The following ATG10 variants were observed in gnomAD, a reference collection of about 807,000 sequenced individuals.
The protein encoded by ATG10 is ubiquitin-like-conjugating enzyme ATG10.
A neutral mutation model predicts 32.1 loss-of-function variants in ATG10; 30 were observed. The ratio of observed to expected loss-of-function variants is 0.94; its 90% CI spans 0.70 to 1.27. The LOEUF (loss-of-function observed/expected upper bound fraction) is 1.27, where lower values mean the gene tolerates loss of function less well. Among genes scored for constraint, ATG10 ranks in the 50% most tolerant of loss-of-function variants. ATG10 has a pLI of 0.00. For synonymous variants in ATG10, 87 were observed against 91.5 expected (o/e 0.95, Z 0.28); for missense variants, 233 against 262.3 (o/e 0.89, Z 0.77).
rs186106480 is a variant in ATG10 at position 82,098,948 on chromosome 5, A to G, written c.216+40346A>G. On this transcript the variant is annotated intron_variant, in intron 3 of 7. Transcript: ENST00000282185. ...TATAAGATCAATAAAATGGCATTACATCTTGAATTTAATTTAGATTTAACC... is the reference window on the plus strand; with the variant it reads ...TATAAGATCAATAAAATGGCATTACGTCTTGAATTTAATTTAGATTTAACC... 1.3e-4 allele frequency among the ~76,000 whole-genome samples: 20 copies of G among 152,340 alleles called. No individual in the cohort carries two copies. The East Asian group carries it at 3.9e-3, about 29-fold the overall frequency.
At chr5:82,107,644 T>C (rs1162165792) in intron 3 of ATG10, among the ~76,000 whole-genome samples, 3 of 152,136 alleles carry the variant, frequency 2.0e-5, no homozygotes, top group Non-Finnish European at 4.4e-5. Context: ...CTTGAGGGGC[T>C]TTATTATGCA....
chr5:82,062,693 A>G (rs1017869383), intron 3 of ATG10, among the ~76,000 whole-genome samples: 1 of 152,180 alleles, frequency 6.6e-6, no homozygotes, highest in Non-Finnish European at 1.5e-5. Context: ...TCCATATTCT[A>G]TTCTTACCTT....
At chr5:82,115,633 A>G (rs1289239363) in intron 3 of ATG10, among the ~76,000 whole-genome samples, 1 of 152,128 alleles carries the variant, frequency 6.6e-6, no homozygotes, top group South Asian at 2.1e-4. Flanking sequence ...TTTTTGTAAC[A>G]TCATACTGTC....
At chr5:82,093,671 A>G (rs1764962369) in intron 3 of ATG10, among the ~76,000 whole-genome samples, 1 of 152,116 alleles carries the variant, frequency 6.6e-6, no homozygotes, top group Non-Finnish European at 1.5e-5. Flanking sequence ...CATGTATGGT[A>G]ATTTTTTATC....
At chr5:82,123,465 T>A (rs917795184) in intron 3 of ATG10, among the ~76,000 whole-genome samples, 3 of 151,588 alleles carry the variant, frequency 2.0e-5, no homozygotes, top group African/African-American at 7.3e-5. Flanking sequence ...CAAACCCGCA[T>A]GATATGAGTT....
At chr5:82,119,142 A>G (rs990355366) in intron 3 of ATG10, among the ~76,000 whole-genome samples, 1 of 152,164 alleles carries the variant, frequency 6.6e-6, no homozygotes, top group African/African-American at 2.4e-5. Flanking sequence ...CTTTATTAAT[A>G]TGTTTCCATT....
chr5:82,123,689 G>A (rs1221305313), intron 3 of ATG10, among the ~76,000 whole-genome samples: 6 of 149,674 alleles, frequency 4.0e-5, no homozygotes, highest in African/African-American at 1.2e-4. Context: ...CAGCACTTTC[G>A]GAGACCCAGG....
intron 5 of ATG10, among the ~76,000 whole-genome samples, chr5:82,220,269 C>T (rs1257467277): frequency 1.4e-5 from 2 of 144,676 alleles, no homozygotes; most frequent in Non-Finnish European, 3.1e-5. Context: ...CAGTGGAAGG[C>T]TTTTTTTTTT....
At chr5:82,210,837 A>G (rs1745466563) in intron 5 of ATG10, among the ~76,000 whole-genome samples, 1 of 152,232 alleles carries the variant, frequency 6.6e-6, no homozygotes, top group South Asian at 2.1e-4. Flanking sequence ...GGTTTTACTC[A>G]GGACAAGAAT....
At chr5:82,100,882 AG>A (rs762119935) in intron 3 of ATG10, among the ~76,000 whole-genome samples, 5 of 151,706 alleles carry the variant, frequency 3.3e-5, no homozygotes, top group African/African-American at 7.3e-5. Context: ...GGGGTAAAAA[AG>A]GAAGTTAATA....
intron 3 of ATG10, among the ~76,000 whole-genome samples, chr5:82,118,545 A>T (rs544513467): frequency 4.0e-5 from 6 of 151,668 alleles, no homozygotes; most frequent in Non-Finnish European, 7.4e-5. Context: ...GATGAACTTT[A>T]ATACCCTTAG....
chr5:82,119,943 A>G (rs1581707733), intron 3 of ATG10, among the ~76,000 whole-genome samples: 1 of 152,052 alleles, frequency 6.6e-6, no homozygotes, highest in East Asian at 1.9e-4. Context: ...TGGAAATAAA[A>G]ACACTTGAAG....
chr5:82,231,041 G>A (rs1458085947), intron 5 of ATG10, among the ~76,000 whole-genome samples: 4 of 152,122 alleles, frequency 2.6e-5, no homozygotes, highest in Non-Finnish European at 5.9e-5. Context: ...CATGAACTTC[G>A]TTGAGTGTTG....
At chr5:82,197,956 C>T (rs1374841600) in intron 5 of ATG10, among the ~76,000 whole-genome samples, 1 of 152,016 alleles carries the variant, frequency 6.6e-6, no homozygotes, top group Non-Finnish European at 1.5e-5. Context: ...CTGGCTAATG[C>T]CTGGTATTGT....
At position 82,058,501 on chromosome 5, in the gene ATG10, T is replaced by C; in HGVS notation, c.115T>C (p.Ser39Pro). Residue 39 changes from serine to proline, a missense_variant, in exon 3 of 8, where the codon TCT (serine) becomes CCT (proline). Transcript: ENST00000282185. ...TTTTGGTGATGAAACACAGGACTGT[T>C]CTGATGGCTACATGTGCAAAATACA... ...SWEWRPSKDC[S>P]DGYMCKIHFQ... is the part of the protein sequence containing the mutation. The C allele has an allele frequency of 6.2e-7, 1 of 1,612,072 alleles. No individual in the cohort carries two copies. Among genetic ancestry groups the C allele is most frequent in the South Asian group, 1.1e-5 (1 of 90,976 alleles).
chr5:81,988,881 G>A (rs1002292062), intron 2 of ATG10, among the ~76,000 whole-genome samples: 5 of 152,100 alleles, frequency 3.3e-5, no homozygotes, highest in African/African-American at 7.2e-5. Context: ...CCAGGCTGGA[G>A]TGCAGTGGCA....
intron 4 of ATG10, among the ~76,000 whole-genome samples, chr5:82,176,562 A>G (rs966666263): frequency 3.3e-5 from 5 of 152,058 alleles, no homozygotes; most frequent in African/African-American, 4.8e-5. Flanking sequence ...TCCCACACCA[A>G]TACACACACA....
intron 5 of ATG10, among the ~76,000 whole-genome samples, chr5:82,218,145 A>T (rs918510268): frequency 2.0e-5 from 3 of 151,844 alleles, no homozygotes; most frequent in Non-Finnish European, 4.4e-5. Context: ...ACAGGTTTCA[A>T]CTTCATCAAC....
At chr5:82,086,400 A>G (rs1004450791) in intron 3 of ATG10, among the ~76,000 whole-genome samples, 7 of 152,200 alleles carry the variant, frequency 4.6e-5, no homozygotes, top group African/African-American at 7.2e-5. Context: ...AGCCAAGTAA[A>G]TTAGTATAGT....
Sources: allele counts gnomAD v4.1 joint callset (sites outside exome capture counted in the v4.1 genomes callset), GRCh38; gene constraint gnomAD v4.1.1; transcripts MANE v1.5; gene names NCBI Gene and HGNC (gene_info 2026-07-23, HGNC 2026-07-21).